Variants in UCHL3 observed in about 807,000 individuals in gnomAD.
UCHL3 encodes the protein ubiquitin C-terminal hydrolase L3, also known as ubiquitin carboxyl-terminal hydrolase isozyme L3.
A neutral mutation model predicts 35.8 loss-of-function variants in UCHL3; 22 were observed. That is an observed-to-expected ratio of 0.61 (90% CI 0.44 to 0.88). The LOEUF is 0.88. Among genes scored for constraint, UCHL3 ranks in the 40% least tolerant of loss-of-function variants. The pLI is 0.00. For missense variants in UCHL3, 229 were observed against 276.9 expected, an observed-to-expected ratio of 0.83 and a Z score of 1.23; for synonymous variants, 90 against 92.8, an observed-to-expected ratio of 0.97 and a Z score of 0.17.
rs1491310495 is a variant in UCHL3, at chr13:75,550,736, T to TC, written c.54+750dup. ...TTTTACCCTGTTTTTTTTTTTTTTT[T>TC]CATTCTCAACAGCTCATTTCTTTTT... On this transcript the variant is annotated intron_variant, in intron 2 of 8. Transcript: ENST00000377595. Among the ~76,000 whole-genome samples, 5 of 130,820 alleles carry TC rather than the reference T, an allele frequency of 3.8e-5. No individual in the cohort carries two copies. In the South Asian group the frequency reaches 9.3e-4, roughly 24 times the overall value. The allele number at this position is 130,820 out of a possible 152,430, so 85.8% of individuals were successfully genotyped here. A position where few individuals can be genotyped will look rare whatever the true frequency, so the allele number is the denominator to read the frequency against.
chr13:75,554,294 G>A (rs1313549998), intron 2 of UCHL3, among the ~76,000 whole-genome samples: 2 of 152,064 alleles, frequency 1.3e-5, no homozygotes, highest in Non-Finnish European at 2.9e-5. Flanking sequence ...CAAATGCCTG[G>A]CCTCAAACAA....
At chr13:75,561,899 A>C (rs1390325194) in intron 3 of UCHL3, among the ~76,000 whole-genome samples, 5 of 151,682 alleles carry the variant, frequency 3.3e-5, no homozygotes, top group Admixed American at 1.3e-4. Context: ...ATATACACAC[A>C]CATGCACATA....
Position 75,605,709 on chromosome 13 carries a change from CT to C in UCHL3, c.610-10del, listed in dbSNP as rs8192765. On this transcript the variant is annotated intron_variant, in intron 8 of 8. Coordinates refer to ENST00000377595, the MANE Select transcript of UCHL3 (RefSeq NM_006002.5). ...AACACTTTTACACTGAAAAATCATA[CT>C]TTTTTTTTTCCTCCATAGGATGCCA... 1.5e-3 allele frequency: 2,100 copies of C among 1,439,310 alleles called. No homozygotes were observed. Among genetic ancestry groups the C allele is most frequent in the African/African-American group, 5.2e-3 (370 of 70,704 alleles). The allele number at this position is 1,439,310 out of a possible 1,614,324, so 89.2% of individuals were successfully genotyped here.
Position 75,586,898 on chromosome 13 carries a change from T to C in UCHL3, c.475-8017T>C, listed in dbSNP as rs2032337180. ...TTGGAGAGAAATCTATAGCATGAAA[T>C]GCTTATAGTAGAAAAAAACAAACAA... is the stretch of plus-strand genomic sequence containing the variant. On this transcript the variant is annotated intron_variant, in intron 6 of 8. Coordinates refer to ENST00000377595, the MANE Select transcript of UCHL3 (RefSeq NM_006002.5). Among the ~76,000 whole-genome samples the C allele has an allele frequency of 2.0e-5, 3 of 150,952 alleles. No individual in the cohort carries two copies. In the South Asian group the frequency reaches 6.3e-4, roughly 31 times the overall value.
At chr13:75,566,164 AC>A (rs1485776381) in intron 3 of UCHL3, among the ~76,000 whole-genome samples, 1 of 152,198 alleles carries the variant, frequency 6.6e-6, no homozygotes, top group Non-Finnish European at 1.5e-5. Context: ...GTTTTTGCAC[AC>A]CCTTTCAGAC....
chr13:75,598,972 A>G (rs2032711524), intron 7 of UCHL3, among the ~76,000 whole-genome samples: 1 of 152,164 alleles, frequency 6.6e-6, no homozygotes, highest in Non-Finnish European at 1.5e-5. Flanking sequence ...TTGAATGATT[A>G]TAATCCATGA....
chr13:75,572,362 C>CT (rs911514172), intron 6 of UCHL3, among the ~76,000 whole-genome samples: 3 of 152,082 alleles, frequency 2.0e-5, no homozygotes, highest in South Asian at 2.1e-4. Flanking sequence ...TTAAGATGTA[C>CT]TTTTTTTCAC....
intron 2 of UCHL3, among the ~76,000 whole-genome samples, chr13:75,553,303 A>G (rs768105984): frequency 6.0e-4 from 91 of 152,092 alleles, no homozygotes; most frequent in Non-Finnish European, 4.6e-4. Context: ...TCTTTTCCTT[A>G]TTCATTCCTG....
chr13:75,589,634 G>A lies in UCHL3; in HGVS notation c.475-5281G>A, dbSNP rs994894803. On this transcript the variant is annotated intron_variant, in intron 6 of 8. Transcript: ENST00000377595. Reference sequence around the variant, plus strand: ...GTGTGTTACTTTTTAAAAACATTTTGATGTAATAATTTTAGTGGCTTTTAC... The same window carrying A: ...GTGTGTTACTTTTTAAAAACATTTTAATGTAATAATTTTAGTGGCTTTTAC... 3.3e-5 allele frequency among the ~76,000 whole-genome samples: 5 copies of A among 152,180 alleles called. No homozygotes were observed. The East Asian group carries it at 7.7e-4, about 23-fold the overall frequency.
chr13:75,592,751 A>C (rs1303952843), intron 6 of UCHL3, among the ~76,000 whole-genome samples: 2 of 151,824 alleles, frequency 1.3e-5, no homozygotes, highest in Non-Finnish European at 2.9e-5. Flanking sequence ...AAGGCTTTTC[A>C]TACCCTTTTT....
chr13:75,604,530 T>A, intron 7 of UCHL3: 1 of 366,782 alleles, frequency 2.7e-6, no homozygotes. Context: ...AAGCCAGCAT[T>A]GTAATAAATT....
chr13:75,589,856 C>A, intron 6 of UCHL3: 1 of 1,071,624 alleles, frequency 9.3e-7, no homozygotes, highest in Non-Finnish European at 1.2e-6. Flanking sequence ...GAATTACAAG[C>A]ATGACCATAC....
At chr13:75,563,947 T>C (rs2031599891) in intron 3 of UCHL3, among the ~76,000 whole-genome samples, 1 of 152,156 alleles carries the variant, frequency 6.6e-6, no homozygotes, top group Non-Finnish European at 1.5e-5. Flanking sequence ...TGTGTGTCTA[T>C]ATCTATGCCA....
chr13:75,572,698 AG>A (rs1244393825), intron 6 of UCHL3, among the ~76,000 whole-genome samples: 1 of 152,182 alleles, frequency 6.6e-6, no homozygotes, highest in African/African-American at 2.4e-5. Context: ...GGCAAATCTT[AG>A]TTTTCTGTAG....
chr13:75,592,468 G>GT (rs1201744829), intron 6 of UCHL3, among the ~76,000 whole-genome samples: 1 of 23,318 alleles, frequency 4.3e-5, no homozygotes, highest in Admixed American at 4.8e-4. Flanking sequence ...ATATATATAT[G>GT]AAGGAAAAAA....
intron 3 of UCHL3, among the ~76,000 whole-genome samples, chr13:75,563,326 C>G (rs1259424121): frequency 6.6e-6 from 1 of 152,060 alleles, no homozygotes; most frequent in Non-Finnish European, 1.5e-5. Flanking sequence ...CAGGCGTGTG[C>G]CACTATACCT....
intron 2 of UCHL3, among the ~76,000 whole-genome samples, chr13:75,558,962 C>T (rs2031386581): frequency 6.7e-6 from 1 of 149,290 alleles, no homozygotes; most frequent in Non-Finnish European, 1.5e-5. Flanking sequence ...CTTTAGTGAA[C>T]TATAAATAGA....
intron 6 of UCHL3, among the ~76,000 whole-genome samples, chr13:75,585,386 G>C (rs1413976012): frequency 6.6e-6 from 1 of 152,078 alleles, no homozygotes; most frequent in Non-Finnish European, 1.5e-5. Flanking sequence ...ATGCAAGCCA[G>C]AACACATAGA....
At chr13:75,554,697 C>T (rs1469340506) in intron 2 of UCHL3, among the ~76,000 whole-genome samples, 3 of 152,194 alleles carry the variant, frequency 2.0e-5, no homozygotes, top group Non-Finnish European at 4.4e-5. Context: ...TGACTTCCTG[C>T]TTATCATACT....
Sources: allele counts gnomAD v4.1 joint callset (sites outside exome capture counted in the v4.1 genomes callset), GRCh38; gene constraint gnomAD v4.1.1; transcripts MANE v1.5; gene names NCBI Gene and HGNC (gene_info 2026-07-23, HGNC 2026-07-21).